Variants in ZFP82 observed in about 807,000 individuals in gnomAD.
The protein encoded by ZFP82 is zinc finger protein 82 homolog.
ZFP82 carries 30 observed loss-of-function variants against 54.0 expected under a neutral mutation model. That is an observed-to-expected ratio of 0.56 (90% CI 0.42 to 0.75). The LOEUF is 0.75. Ranked by LOEUF, ZFP82 falls within the 30% of genes least tolerant of loss-of-function variation. The pLI is 0.00. For missense variants in ZFP82, 500 were observed against 636.8 expected (o/e 0.79, Z 2.31); for synonymous variants, 194 against 209.5 (o/e 0.93, Z 0.64).
intron 1 of ZFP82, among the ~76,000 whole-genome samples, chr19:36,413,866 C>T (rs780858072): frequency 6.6e-6 from 1 of 151,946 alleles, no homozygotes; most frequent in African/African-American, 2.4e-5. Flanking sequence ...ATCACATACC[C>T]CTCATTCCAC....
At position 36,392,130 on chromosome 19, in the gene ZFP82, A is replaced by C. The variant is rs984459006; in HGVS notation, c.*611T>G. On this transcript the variant is annotated 3_prime_UTR_variant, in exon 5 of 5. Transcript: ENST00000392161. ...GTCTGGTGGATCCAAAATTTCACTC[A>C]AATGTCTGGTATCTTGGTGGATGTC... 1 of 152,512 alleles carries C rather than the reference A, an allele frequency of 6.6e-6. No individual in the cohort carries two copies. The highest frequency in any genetic ancestry group is 1.5e-5 in the Non-Finnish European group (1 of 68,068). 9.4% of individuals were successfully genotyped at this position (152,512 alleles called of 1,614,324 possible).
Position 36,392,642 on chromosome 19 carries a change from T to TAA in ZFP82, c.*97_*98dup, listed in dbSNP as rs933695440. The TAA allele has an allele frequency of 7.6e-6, 8 of 1,054,114 alleles. No homozygotes were observed. The highest frequency in any genetic ancestry group is 1.6e-5 in the African/African-American group (1 of 62,412). The allele number at this position is 1,054,114 out of a possible 1,614,324, so 65.3% of individuals were successfully genotyped here. On this transcript the variant is annotated 3_prime_UTR_variant, in exon 5 of 5. Transcript: ENST00000392161. ...ACATTGTCACACTCTTTTAATGGTATAAAACCTCTAATGCCAACGCAGTTG... is the reference window on the plus strand; with the variant it reads ...ACATTGTCACACTCTTTTAATGGTATAAAAAACCTCTAATGCCAACGCAGTTG...
intron 3 of ZFP82, among the ~76,000 whole-genome samples, chr19:36,406,871 T>G (rs373694046): frequency 1.3e-5 from 2 of 152,162 alleles, no homozygotes; most frequent in South Asian, 4.1e-4. Flanking sequence ...TTTTGATACA[T>G]GTCATTGTGG....
chr19:36,396,268 G>A (rs1386418812), intron 4 of ZFP82, among the ~76,000 whole-genome samples: 3 of 152,034 alleles, frequency 2.0e-5, no homozygotes, highest in Non-Finnish European at 4.4e-5. Context: ...TGTAATCCCA[G>A]CACTTGAGGA....
intron 4 of ZFP82, among the ~76,000 whole-genome samples, chr19:36,405,283 C>G (rs2032461396): frequency 6.6e-6 from 1 of 151,764 alleles, no homozygotes; most frequent in Non-Finnish European, 1.5e-5. Flanking sequence ...CCACCTTACC[C>G]CTCAGCTCCA....
At chr19:36,396,902 A>G (rs1600100309) in intron 4 of ZFP82, among the ~76,000 whole-genome samples, 1 of 152,110 alleles carries the variant, frequency 6.6e-6, no homozygotes. Context: ...TATCTATAAA[A>G]CATAACCATA....
chr19:36,413,103 AAG>A (rs1230898373), intron 1 of ZFP82, among the ~76,000 whole-genome samples: 1 of 152,218 alleles, frequency 6.6e-6, no homozygotes, highest in Non-Finnish European at 1.5e-5. Context: ...GATGTATTGC[AAG>A]AGAGTTCATC....
intron 1 of ZFP82, among the ~76,000 whole-genome samples, chr19:36,414,835 T>C (rs2032642428): frequency 6.6e-6 from 1 of 151,716 alleles, no homozygotes. Flanking sequence ...CTTTTTTTTT[T>C]TTTTTGAGAC....
chr19:36,413,989 C>T (rs1156369759), intron 1 of ZFP82, among the ~76,000 whole-genome samples: 1 of 151,568 alleles, frequency 6.6e-6, no homozygotes, highest in Non-Finnish European at 1.5e-5. Context: ...CAAGTTCCAC[C>T]TCCCGGGTTC....
chr19:36,412,116 C>G (rs565054739), intron 1 of ZFP82, among the ~76,000 whole-genome samples: 1 of 151,726 alleles, frequency 6.6e-6, no homozygotes, highest in South Asian at 2.1e-4. Context: ...GTATTAATCT[C>G]TAAGTGCTAA....
intron 1 of ZFP82, among the ~76,000 whole-genome samples, chr19:36,415,145 G>A (rs915947323): frequency 2.0e-5 from 3 of 152,146 alleles, no homozygotes; most frequent in African/African-American, 7.2e-5. Context: ...CAAACAAAGT[G>A]TTGCAGAGTC....
chr19:36,402,414 A>T (rs1030427632), intron 4 of ZFP82, among the ~76,000 whole-genome samples: 2 of 142,530 alleles, frequency 1.4e-5, no homozygotes, highest in African/African-American at 5.2e-5. Flanking sequence ...GCTTGAAGTG[A>T]GCTGAGATCA....
intron 4 of ZFP82, among the ~76,000 whole-genome samples, chr19:36,402,676 T>C (rs1418251564): frequency 6.6e-6 from 1 of 151,916 alleles, no homozygotes; most frequent in African/African-American, 2.4e-5. Context: ...AATTACAACA[T>C]ATGTCTCTGA....
intron 1 of ZFP82, among the ~76,000 whole-genome samples, chr19:36,417,022 G>C (rs2032683589): frequency 9.8e-6 from 1 of 102,380 alleles, no homozygotes; most frequent in Non-Finnish European, 2.2e-5. Context: ...GCAGTGAGCT[G>C]AGATTGTGCC....
At position 36,388,726 on chromosome 19, in the gene ZFP82, ATTT is replaced by A. The variant is rs1257479387; in HGVS notation, c.*4012_*4014del. Among the ~76,000 whole-genome samples, 5 of 152,126 alleles carry A rather than the reference ATTT, an allele frequency of 3.3e-5. No homozygotes were observed. Among genetic ancestry groups the A allele is most frequent in the African/African-American group, 1.2e-4 (5 of 41,436 alleles). On this transcript the variant is annotated 3_prime_UTR_variant, in exon 5 of 5. Coordinates refer to ENST00000392161, the MANE Select transcript of ZFP82 (RefSeq NM_133466.4). ...TCAAAGAGAATATCCTTAGTCTGTT[ATTT>A]TATTAACTATTCCATTAATTTATTT...
chr19:36,392,347 G>A lies in ZFP82; in HGVS notation c.*394C>T, dbSNP rs1010936434. The A allele has an allele frequency of 2.4e-5, 4 of 165,012 alleles. No homozygotes were observed. Among genetic ancestry groups the A allele is most frequent in the Admixed American group, 1.2e-4 (2 of 16,992 alleles). The allele number at this position is 165,012 out of a possible 1,614,324, so 10.2% of individuals were successfully genotyped here. A position where few individuals can be genotyped will look rare whatever the true frequency, so the allele number is the denominator to read the frequency against. Reference sequence around the variant, plus strand: ...GTACGTCTACCATATTCTACTGGGCGAAGCAGTCACAGAGGGATGTAGATT... The same window carrying A: ...GTACGTCTACCATATTCTACTGGGCAAAGCAGTCACAGAGGGATGTAGATT... On this transcript the variant is annotated 3_prime_UTR_variant, in exon 5 of 5. Transcript: ENST00000392161.
chr19:36,403,553 G>A (rs2032429579), intron 4 of ZFP82, among the ~76,000 whole-genome samples: 1 of 150,070 alleles, frequency 6.7e-6, no homozygotes, highest in African/African-American at 2.4e-5. Context: ...TGGAGGGGCA[G>A]AGGTTGCAGT....
chr19:36,416,066 G>T (rs550691140), intron 1 of ZFP82, among the ~76,000 whole-genome samples: 2 of 152,132 alleles, frequency 1.3e-5, no homozygotes, highest in African/African-American at 2.4e-5. Flanking sequence ...TATTAAGAGC[G>T]ATTCATACAT....
chr19:36,386,478 C>A (rs1444037211), downstream of ZFP82, among the ~76,000 whole-genome samples: 2 of 152,228 alleles, frequency 1.3e-5, no homozygotes, highest in African/African-American at 2.4e-5. Flanking sequence ...ATCCCCAAGA[C>A]CCCAGAACTG....
Sources: allele counts gnomAD v4.1 joint callset (sites outside exome capture counted in the v4.1 genomes callset), GRCh38; gene constraint gnomAD v4.1.1; transcripts MANE v1.5; gene names NCBI Gene and HGNC (gene_info 2026-07-23, HGNC 2026-07-21).